PKNOX2: variants seen among roughly 807,000 people sequenced by gnomAD.
PKNOX2 encodes the protein PBX/knotted 1 homeobox 2, also known as homeobox protein PKNOX2.
In PKNOX2, 14 loss-of-function variants were observed where a neutral mutation model predicts 53.1. That is an observed-to-expected ratio of 0.26 (90% CI 0.17 to 0.41). The LOEUF (loss-of-function observed/expected upper bound fraction) is 0.41. Among genes scored for constraint, PKNOX2 ranks in the 10% least tolerant of loss-of-function variants. The pLI is 1.00. For synonymous variants in PKNOX2, 257 were observed against 242.8 expected (o/e 1.06, Z -0.54); for missense variants, 496 against 602.8 (o/e 0.82, Z 1.85).
At chr11:125,256,952 T>C (rs1944448728) in intron 2 of PKNOX2, among the ~76,000 whole-genome samples, 1 of 152,178 alleles carries the variant, frequency 6.6e-6, no homozygotes, top group Non-Finnish European at 1.5e-5. Context: ...TTTCTGTGCA[T>C]TGTTTACTGT....
rs1258053657 is a variant in PKNOX2, at chr11:125,240,633, G to A, written c.-130+5518G>A. 6.6e-6 allele frequency among the ~76,000 whole-genome samples: 1 copy of A among 152,104 alleles called. No homozygotes were observed. Among genetic ancestry groups the A allele is most frequent in the Admixed American group, 6.5e-5 (1 of 15,278 alleles). ...TCTAAATCCTTGTCCAGCCTGAAAGGATTTCCCTCTTTTTTCTTTCTCTGT... is the reference window on the plus strand; with the variant it reads ...TCTAAATCCTTGTCCAGCCTGAAAGAATTTCCCTCTTTTTTCTTTCTCTGT... On this transcript the variant is annotated intron_variant, in intron 2 of 12. Transcript: ENST00000298282. The surrounding 1 kb of genome is among the most constrained non-coding windows in gnomAD (Gnocchi z 4.3).
chr11:125,394,955 C>A (rs76101440), intron 6 of PKNOX2, among the ~76,000 whole-genome samples: 1 of 139,520 alleles, frequency 7.2e-6, no homozygotes, highest in Non-Finnish European at 1.5e-5. Context: ...GTTTTACGTG[C>A]CCTCGTGTGT....
At chr11:125,357,914 T>C (rs1951705227) in intron 4 of PKNOX2, among the ~76,000 whole-genome samples, 1 of 152,232 alleles carries the variant, frequency 6.6e-6, no homozygotes, top group African/African-American at 2.4e-5. Flanking sequence ...ACATTGAGTG[T>C]GTCCTGTGGG....
chr11:125,309,594 G>A (rs1435456730), intron 2 of PKNOX2, among the ~76,000 whole-genome samples: 1 of 152,008 alleles, frequency 6.6e-6, no homozygotes, highest in Non-Finnish European at 1.5e-5. Flanking sequence ...CACCATGTTG[G>A]CCAGGCTGGT....
At chr11:125,428,966 G>A in intron 10 of PKNOX2, 46 bp from the exon 11 acceptor site, 1 of 1,559,290 alleles carries the variant, frequency 6.4e-7, no homozygotes, top group Non-Finnish European at 8.8e-7. Context: ...GGGGGGGCCA[G>A]ATCAGCATAT....
chr11:125,349,363 C>T (rs1951173956), intron 3 of PKNOX2, among the ~76,000 whole-genome samples: 1 of 152,042 alleles, frequency 6.6e-6, no homozygotes, highest in African/African-American at 2.4e-5. Context: ...AGAGGCTCCC[C>T]CAAAGCCCCC....
intron 6 of PKNOX2, among the ~76,000 whole-genome samples, chr11:125,395,058 A>T (rs1469476704): frequency 6.6e-6 from 1 of 152,200 alleles, no homozygotes; most frequent in Non-Finnish European, 1.5e-5. Context: ...AGTACAGAAC[A>T]GTTCCTCCCT....
intron 1 of PKNOX2, among the ~76,000 whole-genome samples, chr11:125,183,060 T>A (rs146550709): frequency 1.8e-3 from 269 of 152,304 alleles, no homozygotes; most frequent in African/African-American, 6.2e-3. Flanking sequence ...AGGTGGTAAC[T>A]CATTCGAAGC....
chr11:125,431,457 T>TG lies in PKNOX2; in HGVS notation c.*72dup, dbSNP rs765516339. 8.0e-4 allele frequency: 72 copies of TG among 90,194 alleles called. 2 individuals carry two copies. The highest frequency in any genetic ancestry group is 7.2e-3 in the Middle Eastern group (1 of 138). 5.6% of individuals were successfully genotyped at this position (90,194 alleles called of 1,614,324 possible). On this transcript the variant is annotated 3_prime_UTR_variant, in exon 13 of 13. Transcript: ENST00000298282. ...GAGTGTCGCCGGGAGGCCTTCAGGG[T>TG]GGGGGGGAAGGGGACATGGGCAGGA... is the stretch of plus-strand genomic sequence containing the variant.
chr11:125,316,816 G>A (rs1208238470), intron 2 of PKNOX2, among the ~76,000 whole-genome samples: 1 of 152,180 alleles, frequency 6.6e-6, no homozygotes, highest in Non-Finnish European at 1.5e-5. Flanking sequence ...GAAGGATGGG[G>A]TGGCTGTGGC....
chr11:125,407,755 A>AC (rs1013238458), intron 7 of PKNOX2, among the ~76,000 whole-genome samples: 1 of 152,154 alleles, frequency 6.6e-6, no homozygotes. Context: ...AACAAACAAA[A>AC]AAAAAAGTAA....
intron 2 of PKNOX2, among the ~76,000 whole-genome samples, chr11:125,255,315 G>T (rs1221783636): frequency 6.6e-6 from 1 of 152,134 alleles, no homozygotes; most frequent in Non-Finnish European, 1.5e-5. Context: ...GATGCCTCAA[G>T]ACCCCTCATT....
At chr11:125,337,908 C>G (rs563601794) in intron 3 of PKNOX2, among the ~76,000 whole-genome samples, 1 of 152,274 alleles carries the variant, frequency 6.6e-6, no homozygotes, top group South Asian at 2.1e-4. Context: ...AGAAGTCAGA[C>G]CTCATGATGA....
At chr11:125,233,052 T>G (rs979849777) in intron 1 of PKNOX2, among the ~76,000 whole-genome samples, 2 of 152,214 alleles carry the variant, frequency 1.3e-5, no homozygotes, top group Non-Finnish European at 2.9e-5. Context: ...ATTTTTTTCT[T>G]CATTTTCAAA....
At chr11:125,377,853 C>T (rs1012406877) in intron 5 of PKNOX2, among the ~76,000 whole-genome samples, 14 of 152,208 alleles carry the variant, frequency 9.2e-5, no homozygotes, top group African/African-American at 2.9e-4. Context: ...CATTTAAAGC[C>T]GTTCTAGGCT....
At chr11:125,409,181 T>C (rs1017112683) in intron 7 of PKNOX2, among the ~76,000 whole-genome samples, 2 of 152,162 alleles carry the variant, frequency 1.3e-5, no homozygotes, top group East Asian at 1.9e-4. Flanking sequence ...TCCCACATCC[T>C]ATTCCTTCCT....
intron 2 of PKNOX2, among the ~76,000 whole-genome samples, chr11:125,261,814 C>A (rs141132561): frequency 6.6e-6 from 1 of 152,356 alleles, no homozygotes; most frequent in East Asian, 1.9e-4. Flanking sequence ...GCCCGAGACA[C>A]CAAATTTTTG....
intron 1 of PKNOX2, among the ~76,000 whole-genome samples, chr11:125,223,716 CAA>C (rs113101573): frequency 4.7e-4 from 71 of 149,990 alleles, no homozygotes; most frequent in African/African-American, 1.7e-3. Flanking sequence ...GATTAAAAAA[CAA>C]AAAAAAACAA....
chr11:125,300,743 A>G (rs1426153), intron 2 of PKNOX2, among the ~76,000 whole-genome samples: 34,606 of 152,026 alleles, frequency 0.23, 4,444 homozygotes, highest in East Asian at 0.39. Flanking sequence ...GTTTATCCCA[A>G]TAAACTCTCC....
Sources: gnomAD v4.1 joint callset for allele counts (sites outside exome capture counted in the v4.1 genomes callset) on GRCh38, gnomAD v4.1.1 for gene constraint, Gnocchi (gnomAD v3.1) non-coding constraint, MANE v1.5 for transcripts, NCBI Gene and HGNC (gene_info 2026-07-23, HGNC 2026-07-21) for gene names.